The following VWA8 variants were observed in gnomAD, a reference collection of about 807,000 sequenced individuals.
The protein encoded by VWA8 is von Willebrand factor A domain containing 8, also known as von Willebrand factor A domain-containing protein 8.
VWA8 carries 221 observed loss-of-function variants against 241.5 expected under a neutral mutation model. That is an observed-to-expected ratio of 0.91 (90% confidence interval 0.82 to 1.02). The LOEUF is 1.02. Among genes scored for constraint, VWA8 ranks in the 50% least tolerant of loss-of-function variants. The probability of loss-of-function intolerance (pLI) is 0.00; values close to 1 mark genes in which losing one functional copy is unlikely to be tolerated. For synonymous variants in VWA8, 852 were observed against 827.1 expected (o/e 1.03, Z -0.52); for missense variants, 2,322 against 2,328.7 (o/e 1.00, Z 0.06).
chr13:41,733,684 T>TGTGA (rs2045503273), intron 21 of VWA8, among the ~76,000 whole-genome samples: 1 of 152,198 alleles, frequency 6.6e-6, no homozygotes, highest in African/African-American at 2.4e-5. Context: ...GTGTTCCCCT[T>TGTGA]GTGACCCATA....
At chr13:41,888,874 C>T (rs7318484) in intron 5 of VWA8, among the ~76,000 whole-genome samples, 123,657 of 152,096 alleles carry the variant, frequency 0.81, 51,117 homozygotes, top group East Asian at 1. Flanking sequence ...AAATCATACA[C>T]CTAATTAACA....
intron 35 of VWA8, among the ~76,000 whole-genome samples, chr13:41,678,217 T>C (rs1333527508): frequency 6.6e-6 from 1 of 152,090 alleles, no homozygotes; most frequent in Non-Finnish European, 1.5e-5. Context: ...AAGAGACAAA[T>C]AGCTCAGCAG....
Position 41,703,338 on chromosome 13 carries a change from A to G in VWA8, c.3190T>C (p.Leu1064=). The part of the protein sequence containing the change: ...GQARSGMQKL[L]CPVETHHIDI... ...ATATGATGAGTTTCCACTGGACACA[A>G]GAGTTTTTGCATCCCACTTCTTGCC... The change falls in exon 27 of 45, where the codon TTG becomes CTG. Residue 1064 remains leucine, a synonymous_variant. Transcript: ENST00000379310. 2 of 1,614,094 alleles carry G rather than the reference A, an allele frequency of 1.2e-6. No individual in the cohort carries two copies. Among genetic ancestry groups the G allele is most frequent in the Non-Finnish European group, 1.7e-6 (2 of 1,179,974 alleles).
chr13:41,787,740 A>T lies in VWA8; in HGVS notation c.2064-197T>A, dbSNP rs183107597. Reference sequence around the variant, plus strand: ...TATAAACTTAATGTACGTGTGAATTATATGTTTGTGGAATCTCCTTTAATA... The same window carrying T: ...TATAAACTTAATGTACGTGTGAATTTTATGTTTGTGGAATCTCCTTTAATA... On this transcript the variant is annotated intron_variant, in intron 17 of 44. Transcript: ENST00000379310. 2.0e-3 allele frequency among the ~76,000 whole-genome samples: 312 copies of T among 152,314 alleles called. 4 individuals carry two copies. Among genetic ancestry groups the T allele is most frequent in the African/African-American group, 7.2e-3 (300 of 41,582 alleles).
At chr13:41,728,641 T>C (rs2045456612) in intron 23 of VWA8, among the ~76,000 whole-genome samples, 2 of 151,550 alleles carry the variant, frequency 1.3e-5, no homozygotes, top group African/African-American at 4.8e-5. Flanking sequence ...TAAGAGAAAG[T>C]ATTCAGGGTA....
At position 41,685,033 on chromosome 13, in the gene VWA8, G is replaced by A; in HGVS notation, c.4327+14C>T. 1 of 1,605,922 alleles carries A rather than the reference G, an allele frequency of 6.2e-7. No individual in the cohort carries two copies. The highest frequency in any genetic ancestry group is 1.7e-5 in the Admixed American group (1 of 58,030). ...CCACCTTTGTAAATTAGGAATTGGT[G>A]AGTTCCTTCTTACCTTTTGGGTAGA... On this transcript the variant is annotated intron_variant, in intron 35 of 44. Coordinates refer to ENST00000379310, the MANE Select transcript of VWA8 (RefSeq NM_015058.2).
At chr13:41,694,766 G>A (rs2045205178) in intron 29 of VWA8, among the ~76,000 whole-genome samples, 1 of 152,074 alleles carries the variant, frequency 6.6e-6, no homozygotes, top group African/African-American at 2.4e-5. Flanking sequence ...GTAAGCATAA[G>A]AATAAGCAGT....
In VWA8 at chr13:41,771,886, C is replaced by CTTTTTTTT. The variant is rs10639837; in HGVS notation, c.2349+6091_2349+6098dup. Among the ~76,000 whole-genome samples the CTTTTTTTT allele has an allele frequency of 4.0e-5, 4 of 100,274 alleles. 1 individual carries two copies. Among genetic ancestry groups the CTTTTTTTT allele is most frequent in the African/African-American group, 7.5e-5 (2 of 26,620 alleles). 65.8% of individuals were successfully genotyped at this position (100,274 alleles called of 152,430 possible). A position where few individuals can be genotyped will look rare whatever the true frequency, so the allele number is the denominator to read the frequency against. On this transcript the variant is annotated intron_variant, in intron 20 of 44. Transcript: ENST00000379310. ...CATGAGCCACTGCACCCAGCAGGGA[C>CTTTTTTTT]TTTTTTTTTTTTTTTTTTTTTGAGA...
At chr13:41,959,367 A>C (rs1878483310) in intron 1 of VWA8, among the ~76,000 whole-genome samples, 1 of 152,068 alleles carries the variant, frequency 6.6e-6, no homozygotes, top group Non-Finnish European at 1.5e-5. Context: ...CCTATAGTTT[A>C]TGCTATACTT....
intron 41 of VWA8, 45 bp downstream of exon 41, chr13:41,590,595 G>A (rs1394306840): frequency 4.4e-6 from 7 of 1,601,302 alleles, no homozygotes; most frequent in Non-Finnish European, 6.0e-6. Flanking sequence ...CTGTAAAGAG[G>A]GCTAGACTAT....
At chr13:41,708,096 G>A (rs1404792032) in intron 26 of VWA8, among the ~76,000 whole-genome samples, 4 of 152,078 alleles carry the variant, frequency 2.6e-5, no homozygotes, top group African/African-American at 4.8e-5. Context: ...AGTGGCTCAC[G>A]TCTGTAATCC....
intron 4 of VWA8, 37 bp from the exon 5 acceptor site, chr13:41,891,624 T>G (rs772757154): frequency 6.2e-7 from 1 of 1,609,666 alleles, no homozygotes; most frequent in Non-Finnish European, 8.5e-7. Context: ...ATGAGAATAC[T>G]GAAGTTGCAG....
chr13:41,594,726 C>T (rs563780772), intron 40 of VWA8, among the ~76,000 whole-genome samples: 171 of 152,266 alleles, frequency 1.1e-3, no homozygotes, highest in South Asian at 6.6e-3. Context: ...TTGTTTTTAA[C>T]TTTGGTTAAA....
intron 9 of VWA8, among the ~76,000 whole-genome samples, chr13:41,883,082 A>G (rs1478911456): frequency 1.3e-5 from 2 of 152,168 alleles, no homozygotes; most frequent in East Asian, 1.9e-4. Context: ...AGTGAGAAGC[A>G]TAACTCTTAT....
chr13:41,739,897 C>A (rs918911640), intron 21 of VWA8, among the ~76,000 whole-genome samples: 1 of 140,698 alleles, frequency 7.1e-6, no homozygotes, highest in Admixed American at 7.6e-5. Context: ...CTCTGTCGCC[C>A]AGGCTGGAGT....
chr13:41,730,359 C>T (rs2045472812), intron 22 of VWA8, among the ~76,000 whole-genome samples: 1 of 152,016 alleles, frequency 6.6e-6, no homozygotes, highest in Admixed American at 6.6e-5. Flanking sequence ...TAATGGGATG[C>T]AATTTAATGG....
intron 41 of VWA8, among the ~76,000 whole-genome samples, chr13:41,588,647 A>G (rs1401803384): frequency 1.3e-5 from 2 of 151,862 alleles, no homozygotes; most frequent in South Asian, 2.1e-4. Flanking sequence ...CTTGAGCCCA[A>G]TAGTTTGAGG....
intron 1 of VWA8, among the ~76,000 whole-genome samples, chr13:41,957,934 A>G (rs550691044): frequency 3.9e-5 from 6 of 152,318 alleles, no homozygotes; most frequent in African/African-American, 1.4e-4. Flanking sequence ...GAATCCATTT[A>G]ACATCAGAGT....
intron 12 of VWA8, among the ~76,000 whole-genome samples, chr13:41,856,533 T>C (rs1245555655): frequency 4.6e-5 from 7 of 152,108 alleles, no homozygotes; most frequent in Non-Finnish European, 8.8e-5. Context: ...TTAGAAACTT[T>C]CACAAGGCTA....
Sources: gnomAD v4.1 joint callset for allele counts (sites outside exome capture counted in the v4.1 genomes callset) on GRCh38, gnomAD v4.1.1 for gene constraint, MANE v1.5 for transcripts, NCBI Gene and HGNC (gene_info 2026-07-23, HGNC 2026-07-21) for gene names.